Variants in LRRC4C observed in about 807,000 individuals in gnomAD.
LRRC4C encodes leucine rich repeat containing 4C.
LRRC4C carries 5 observed loss-of-function variants against 33.6 expected under a neutral mutation model. The observed-to-expected ratio is 0.15, with a 90% CI of 0.08 to 0.31. LRRC4C has a LOEUF of 0.31. LRRC4C is among the 10% of genes least tolerant of loss of function. LRRC4C has a pLI of 1.00. For missense variants in LRRC4C, 560 were observed against 796.7 expected, an observed-to-expected ratio of 0.70 and a Z score of 3.58; for synonymous variants, 329 against 302.0, an observed-to-expected ratio of 1.09 and a Z score of -0.93.
intron 1 of LRRC4C, among the ~76,000 whole-genome samples, chr11:41,371,490 T>C (rs902961505): frequency 6.6e-6 from 1 of 152,154 alleles, no homozygotes; most frequent in Non-Finnish European, 1.5e-5. Context: ...TATGTGGAAA[T>C]CCTTCATCTC....
At chr11:40,800,534 A>T (rs1950998946) in intron 2 of LRRC4C, among the ~76,000 whole-genome samples, 1 of 152,202 alleles carries the variant, frequency 6.6e-6, no homozygotes, top group African/African-American at 2.4e-5. Flanking sequence ...TTTCTAACAG[A>T]TGTTACCATC....
chr11:41,120,862 T>A (rs1942388464), intron 1 of LRRC4C, among the ~76,000 whole-genome samples: 1 of 152,058 alleles, frequency 6.6e-6, no homozygotes, highest in Non-Finnish European at 1.5e-5. Context: ...TATCATGAAA[T>A]CTGATGGTAT....
intron 3 of LRRC4C, among the ~76,000 whole-genome samples, chr11:40,494,717 A>G (rs1839996559): frequency 6.6e-6 from 1 of 152,186 alleles, no homozygotes; most frequent in South Asian, 2.1e-4. Context: ...TTCTGCTTTC[A>G]TAGGAGAAGA....
intron 3 of LRRC4C, among the ~76,000 whole-genome samples, chr11:40,577,754 C>G: frequency 6.6e-6 from 1 of 152,028 alleles, no homozygotes; most frequent in Admixed American, 6.5e-5. Context: ...GCCCGTAACG[C>G]TGCTATTGAG....
intron 1 of LRRC4C, among the ~76,000 whole-genome samples, chr11:40,994,912 G>A (rs1221745398): frequency 1.3e-5 from 2 of 151,646 alleles, no homozygotes; most frequent in African/African-American, 4.8e-5. Context: ...TTTCTCTAAT[G>A]TAATCAACAG....
intron 1 of LRRC4C, among the ~76,000 whole-genome samples, chr11:41,250,052 C>T: frequency 6.6e-6 from 1 of 151,896 alleles, no homozygotes; most frequent in Admixed American, 6.6e-5. Flanking sequence ...GCCTGTAATC[C>T]CAGCTACTTG....
chr11:40,476,336 TTTC>T (rs1440823918), intron 3 of LRRC4C, among the ~76,000 whole-genome samples: 5 of 112,008 alleles, frequency 4.5e-5, no homozygotes, highest in South Asian at 2.9e-4. Context: ...GCACATTTTT[TTTC>T]TTCTTTTTTT....
At chr11:40,587,538 A>G (rs1301366669) in intron 3 of LRRC4C, among the ~76,000 whole-genome samples, 1 of 140,864 alleles carries the variant, frequency 7.1e-6, no homozygotes, top group African/African-American at 2.7e-5. Flanking sequence ...GAGAGAGGGC[A>G]TCCCTGTCTT....
chr11:41,383,186 A>T (rs1217803028), intron 1 of LRRC4C, among the ~76,000 whole-genome samples: 8 of 152,114 alleles, frequency 5.3e-5, no homozygotes, highest in African/African-American at 1.7e-4. Flanking sequence ...CATCTGTCCA[A>T]TCAGAGTTGT....
chr11:40,492,660 TAG>T (rs1330108835), intron 3 of LRRC4C, among the ~76,000 whole-genome samples: 3 of 152,164 alleles, frequency 2.0e-5, no homozygotes, highest in Non-Finnish European at 4.4e-5. Flanking sequence ...TTCTAGGTAA[TAG>T]AGTCTTCTCA....
rs148672300 is a variant in LRRC4C at position 40,247,439 on chromosome 11, C to T, written c.-175-5841G>A. Among the ~76,000 whole-genome samples, 207 of 152,194 alleles carry T rather than the reference C, an allele frequency of 1.4e-3. 2 individuals carry two copies. The highest frequency in any genetic ancestry group is 4.8e-3 in the African/African-American group (198 of 41,516). On this transcript the variant is annotated intron_variant, in intron 4 of 6. Transcript: ENST00000528697. ...ATCGCAATGGGTTAAGTGAAAAGAA[C>T]CCATGTTGAGAACTTATTCAAGCCA... is the stretch of plus-strand genomic sequence containing the variant.
intron 1 of LRRC4C, among the ~76,000 whole-genome samples, chr11:41,304,727 T>G (rs1388223957): frequency 1.4e-5 from 1 of 71,376 alleles, no homozygotes; most frequent in Non-Finnish European, 2.7e-5. Context: ...GGTGGGGGTA[T>G]CAGCCCCCCG....
intron 3 of LRRC4C, among the ~76,000 whole-genome samples, chr11:40,491,522 T>C (rs1332487486): frequency 1.3e-5 from 2 of 152,138 alleles, no homozygotes; most frequent in African/African-American, 4.8e-5. Context: ...CACCATCTAT[T>C]GACAGAATTA....
At chr11:41,205,301 A>G (rs1050880928) in intron 1 of LRRC4C, among the ~76,000 whole-genome samples, 44 of 152,228 alleles carry the variant, frequency 2.9e-4, no homozygotes, top group Non-Finnish European at 5.9e-4. Flanking sequence ...AGGCAATAGC[A>G]TGAGTCAATT....
intron 2 of LRRC4C, among the ~76,000 whole-genome samples, chr11:40,833,539 A>T (rs955268085): frequency 6.6e-6 from 1 of 152,066 alleles, no homozygotes; most frequent in African/African-American, 2.4e-5. Context: ...ACACATCCCA[A>T]ATTGAACAGC....
chr11:40,773,352 G>T lies in LRRC4C; in HGVS notation c.-406-125074C>A, dbSNP rs1028176779. Among the ~76,000 whole-genome samples, 4 of 151,832 alleles carry T rather than the reference G, an allele frequency of 2.6e-5. No individual in the cohort carries two copies. In the East Asian group the frequency reaches 5.8e-4, roughly 22 times the overall value. On this transcript the variant is annotated intron_variant, in intron 2 of 6. Coordinates refer to ENST00000528697, the MANE Select transcript of LRRC4C (RefSeq NM_001258419.2). Reference sequence around the variant, plus strand: ...TTATACATTTAAAAATAACTAAAAGGGTATAACAGAAATTTTTTAACAGAA... The same window carrying T: ...TTATACATTTAAAAATAACTAAAAGTGTATAACAGAAATTTTTTAACAGAA...
At chr11:41,362,286 T>G (rs1237637703) in intron 1 of LRRC4C, among the ~76,000 whole-genome samples, 1 of 151,928 alleles carries the variant, frequency 6.6e-6, no homozygotes, top group Non-Finnish European at 1.5e-5. Flanking sequence ...ATCTTTGTGC[T>G]AAAAGAAAAA....
intron 3 of LRRC4C, among the ~76,000 whole-genome samples, chr11:40,629,196 A>G (rs1963245027): frequency 6.6e-6 from 1 of 152,182 alleles, no homozygotes; most frequent in South Asian, 2.1e-4. Context: ...TGTTGATACT[A>G]ATATTCAATT....
intron 1 of LRRC4C, among the ~76,000 whole-genome samples, chr11:41,156,707 G>A (rs965443010): frequency 2.0e-5 from 3 of 151,988 alleles, no homozygotes; most frequent in Non-Finnish European, 2.9e-5. Context: ...CAAGAAAAGC[G>A]GAGGGGCATT....
Sources: gnomAD v4.1 joint callset for allele counts (sites outside exome capture counted in the v4.1 genomes callset) on GRCh38, gnomAD v4.1.1 for gene constraint, MANE v1.5 for transcripts, NCBI Gene and HGNC (gene_info 2026-07-23, HGNC 2026-07-21) for gene names.